The following GRHL2 variants were observed in gnomAD, a reference collection of about 807,000 sequenced individuals.
GRHL2 encodes grainyhead like transcription factor 2.
A neutral mutation model predicts 83.8 loss-of-function variants in GRHL2; 21 were observed. That is an observed-to-expected ratio of 0.25 (90% CI 0.18 to 0.36). GRHL2 has a LOEUF of 0.36. Among genes scored for constraint, GRHL2 ranks in the 10% least tolerant of loss-of-function variants. The probability of loss-of-function intolerance (pLI) is 1.00; values close to 1 mark genes in which losing one functional copy is unlikely to be tolerated. For missense variants in GRHL2, 623 were observed against 781.8 expected (o/e 0.80, Z 2.42); for synonymous variants, 280 against 278.9 (o/e 1.00, Z -0.04).
intron 1 of GRHL2, chr8:101,542,806 G>C: frequency 2.2e-6 from 1 of 456,726 alleles, no homozygotes; most frequent in South Asian, 1.5e-5. Context: ...TAAAGAGAGA[G>C]TAAGATGGAA....
chr8:101,515,688 C>T (rs1810559508), intron 1 of GRHL2, among the ~76,000 whole-genome samples: 1 of 152,126 alleles, frequency 6.6e-6, no homozygotes, highest in South Asian at 2.1e-4. Context: ...CCAGGAAAGC[C>T]TGGGGATTGC....
intron 2 of GRHL2, among the ~76,000 whole-genome samples, chr8:101,544,227 C>T (rs760235010): frequency 1.1e-4 from 16 of 152,120 alleles, no homozygotes; most frequent in Non-Finnish European, 2.2e-4. Flanking sequence ...TAGAAACATT[C>T]AGGGTTTCTA....
chr8:101,632,057 G>A (rs952166707), intron 10 of GRHL2, among the ~76,000 whole-genome samples, 169 bp from the exon 11 acceptor site: 3 of 152,140 alleles, frequency 2.0e-5, no homozygotes, highest in African/African-American at 7.2e-5. Flanking sequence ...TGAAGTCTAC[G>A]CTCCTGTTTG....
chr8:101,613,421 C>CT (rs1812792093), intron 8 of GRHL2, among the ~76,000 whole-genome samples: 1 of 150,782 alleles, frequency 6.6e-6, no homozygotes, highest in Non-Finnish European at 1.5e-5. Context: ...ATCAAGATCC[C>CT]TGGGGGCGGG....
intron 9 of GRHL2, among the ~76,000 whole-genome samples, chr8:101,626,446 T>C (rs1813081379): frequency 6.6e-6 from 1 of 152,124 alleles, no homozygotes; most frequent in Non-Finnish European, 1.5e-5. Flanking sequence ...TGTATCTTTA[T>C]GCTAACATTA....
At chr8:101,564,461 T>G (rs1463622453) in intron 4 of GRHL2, among the ~76,000 whole-genome samples, 1 of 151,870 alleles carries the variant, frequency 6.6e-6, no homozygotes, top group African/African-American at 2.4e-5. Flanking sequence ...GGGAAGGGAG[T>G]AGTTTGCTTT....
At chr8:101,550,839 A>G (rs930263801) in intron 2 of GRHL2, among the ~76,000 whole-genome samples, 11 of 152,192 alleles carry the variant, frequency 7.2e-5, no homozygotes, top group African/African-American at 2.2e-4. Context: ...AGTAACTCAT[A>G]TAAGTGGAAT....
At chr8:101,546,170 G>A (rs914288690) in intron 2 of GRHL2, among the ~76,000 whole-genome samples, 7 of 152,038 alleles carry the variant, frequency 4.6e-5, no homozygotes, top group Admixed American at 1.3e-4. Context: ...GTAAGCCACC[G>A]TGCCCAGCCT....
At chr8:101,496,700 G>C (rs1404888759) in intron 1 of GRHL2, among the ~76,000 whole-genome samples, 2 of 152,166 alleles carry the variant, frequency 1.3e-5, no homozygotes. Context: ...GAATAATGGG[G>C]AGGTCTTTTG....
At chr8:101,558,368 G>C in intron 3 of GRHL2, 51 bp from the exon 4 acceptor site, 1 of 1,602,764 alleles carries the variant, frequency 6.2e-7, no homozygotes, top group Non-Finnish European at 8.5e-7. Context: ...AGGCGTTGCC[G>C]AATGGTGATT....
chr8:101,649,621 A>G, intron 14 of GRHL2, 122 bp downstream of exon 14: 2 of 755,306 alleles, frequency 2.6e-6, no homozygotes, highest in Non-Finnish European at 4.7e-6. Context: ...GAACAAGAAA[A>G]ACCTAAGATT....
intron 14 of GRHL2, among the ~76,000 whole-genome samples, chr8:101,662,387 C>G (rs1282452335): frequency 6.6e-6 from 1 of 152,110 alleles, no homozygotes. Context: ...TGCCTTTGGG[C>G]CTTATTAGGG....
chr8:101,599,134 G>A lies in GRHL2; in HGVS notation c.1081G>A (p.Val361Met), dbSNP rs770962467. The A allele has an allele frequency of 5.0e-6, 8 of 1,609,506 alleles. No individual in the cohort carries two copies. Among genetic ancestry groups the A allele is most frequent in the African/African-American group, 1.3e-5 (1 of 74,956 alleles). ...AYNAVSFTWD[V>M]NEEAKIFITV... ...TAATGCTGTTTCCTTTACCTGGGAC[G>A]TGAATGAAGAGGCGAAGGTGAGTGA... The change falls in exon 8 of 16, where the codon GTG becomes ATG. Residue 361 changes from valine (V) to methionine (M), a missense_variant. Transcript: ENST00000646743.
chr8:101,540,014 C>T (rs1420537090), intron 1 of GRHL2, among the ~76,000 whole-genome samples: 2 of 152,180 alleles, frequency 1.3e-5, no homozygotes, highest in Non-Finnish European at 2.9e-5. Flanking sequence ...AACTATTGGG[C>T]TCTCAATAAA....
chr8:101,495,552 T>C (rs1257345581), intron 1 of GRHL2, among the ~76,000 whole-genome samples: 1 of 152,242 alleles, frequency 6.6e-6, no homozygotes, highest in African/African-American at 2.4e-5. Flanking sequence ...AGTGAAGCAA[T>C]GCTAGATTAA....
intron 7 of GRHL2, among the ~76,000 whole-genome samples, chr8:101,585,072 T>C (rs1173843333): frequency 1.3e-5 from 2 of 152,132 alleles, no homozygotes; most frequent in African/African-American, 4.8e-5. Context: ...GGTGGTCAGG[T>C]AGCCAAGTGG....
chr8:101,603,264 G>T (rs1812556411), intron 8 of GRHL2, among the ~76,000 whole-genome samples: 1 of 152,148 alleles, frequency 6.6e-6, no homozygotes, highest in African/African-American at 2.4e-5. Context: ...GGAGAAACCT[G>T]TATGTCTTCC....
chr8:101,604,156 CAT>C (rs1281103649), intron 8 of GRHL2, among the ~76,000 whole-genome samples: 2 of 152,076 alleles, frequency 1.3e-5, no homozygotes, highest in Non-Finnish European at 2.9e-5. Context: ...TATTCTTTCA[CAT>C]GACTCCCATT....
chr8:101,559,491 C>T (rs909004110), intron 4 of GRHL2, among the ~76,000 whole-genome samples: 1 of 152,012 alleles, frequency 6.6e-6, no homozygotes, highest in African/African-American at 2.4e-5. Context: ...GATCATGCCA[C>T]TGCACTCCAG....
Sources: gnomAD v4.1 joint callset for allele counts (sites outside exome capture counted in the v4.1 genomes callset) on GRCh38, gnomAD v4.1.1 for gene constraint, MANE v1.5 for transcripts, NCBI Gene and HGNC (gene_info 2026-07-23, HGNC 2026-07-21) for gene names.